JAK2: variants seen among roughly 807,000 people sequenced by gnomAD.
JAK2 encodes the protein tyrosine-protein kinase JAK2.
Under a neutral mutation model 139.3 loss-of-function variants are expected in JAK2, and 86 were observed. The observed-to-expected ratio is 0.62, with a 90% CI of 0.52 to 0.74. The LOEUF (loss-of-function observed/expected upper bound fraction) is 0.74. JAK2 is among the 30% of genes least tolerant of loss of function. The pLI is 0.00. For missense variants in JAK2, 1,421 were observed against 1,360.3 expected (o/e 1.04, Z -0.70); for synonymous variants, 490 against 437.7 (o/e 1.12, Z -1.49).
intron 22 of JAK2, among the ~76,000 whole-genome samples, chr9:5,120,552 T>C (rs1226502864): frequency 6.6e-6 from 1 of 152,234 alleles, no homozygotes; most frequent in Non-Finnish European, 1.5e-5. Context: ...AAAGTGCCTC[T>C]GCTTAAATGT....
At chr9:5,037,601 G>C (rs12002850) in intron 4 of JAK2, among the ~76,000 whole-genome samples, 7 of 151,942 alleles carry the variant, frequency 4.6e-5, no homozygotes, top group East Asian at 3.9e-4. Context: ...GCAAACTATC[G>C]CAAGGACAAA....
intron 2 of JAK2, among the ~76,000 whole-genome samples, chr9:4,987,378 G>A (rs1227766685): frequency 1.3e-5 from 2 of 152,122 alleles, no homozygotes; most frequent in Non-Finnish European, 2.9e-5. Flanking sequence ...GGCAGAATAG[G>A]AAAGTGCATT....
rs1824059026 is a variant in JAK2, at chr9:5,127,251, T to C, written c.*460T>C. The C allele has an allele frequency of 4.3e-6, 1 of 232,334 alleles. No individual in the cohort carries two copies. Among genetic ancestry groups the C allele is most frequent in the Admixed American group, 5.6e-5 (1 of 17,714 alleles). The allele number at this position is 232,334 out of a possible 1,614,324, so 14.4% of individuals were successfully genotyped here. The stretch of plus-strand genomic sequence containing the variant: ...GGTGTTCATTAATACTGTTTTCTAA[T>C]TTTTCCATAGTTAATCTATAATTAA... On this transcript the variant is annotated 3_prime_UTR_variant, in exon 25 of 25. Coordinates refer to ENST00000381652, the MANE Select transcript of JAK2 (RefSeq NM_004972.4).
intron 4 of JAK2, among the ~76,000 whole-genome samples, chr9:5,030,820 G>A (rs1436713240): frequency 6.6e-6 from 1 of 151,928 alleles, no homozygotes; most frequent in African/African-American, 2.4e-5. Flanking sequence ...ATTTACTGAT[G>A]TCTAATGTAT....
intron 22 of JAK2, among the ~76,000 whole-genome samples, chr9:5,117,792 A>G (rs1823315707): frequency 6.6e-6 from 1 of 152,200 alleles, no homozygotes; most frequent in Non-Finnish European, 1.5e-5. Flanking sequence ...TATACGAGGA[A>G]GCCTGAGATC....
chr9:5,086,892 T>C (rs1297167646), intron 19 of JAK2, among the ~76,000 whole-genome samples: 1 of 152,210 alleles, frequency 6.6e-6, no homozygotes, highest in Non-Finnish European at 1.5e-5. Context: ...GTTCATATCT[T>C]TTAAACTACT....
At chr9:5,066,296 A>G (rs866878555) in intron 9 of JAK2, among the ~76,000 whole-genome samples, 4 of 152,166 alleles carry the variant, frequency 2.6e-5, no homozygotes, top group Non-Finnish European at 4.4e-5. Context: ...AGTAACTGCT[A>G]TGGTAGTAGA....
chr9:5,053,153 T>G lies in JAK2; in HGVS notation c.615-1410T>G, dbSNP rs138815991. ...AACTCTTTCCGCACTTGTTTCTGTCTGTATTTTATCCATCCTAGTGGGTGG... is the reference window on the plus strand; with the variant it reads ...AACTCTTTCCGCACTTGTTTCTGTCGGTATTTTATCCATCCTAGTGGGTGG... On this transcript the variant is annotated intron_variant, in intron 6 of 24. Transcript: ENST00000381652. Among the ~76,000 whole-genome samples the G allele has an allele frequency of 3.2e-3, 491 of 152,208 alleles. 8 individuals carry two copies. Among genetic ancestry groups the G allele is most frequent in the Admixed American group, 0.03 (457 of 15,288 alleles).
intron 2 of JAK2, among the ~76,000 whole-genome samples, chr9:5,005,269 T>C (rs1821221133): frequency 6.6e-6 from 1 of 151,890 alleles, no homozygotes; most frequent in African/African-American, 2.4e-5. Context: ...CTTTGAGGAA[T>C]ATCTGTTCCG....
intron 9 of JAK2, among the ~76,000 whole-genome samples, chr9:5,066,272 C>A (rs529863439): frequency 2.0e-5 from 3 of 152,130 alleles, no homozygotes; most frequent in African/African-American, 7.2e-5. Context: ...ATCATGCATT[C>A]AGATTTTTAT....
intron 4 of JAK2, chr9:5,041,934 T>A (rs559150530): frequency 7.7e-6 from 3 of 388,202 alleles, no homozygotes; most frequent in Admixed American, 7.2e-5. Context: ...AATGCTGCTG[T>A]TTCTTCCCCC....
chr9:4,998,191 G>A (rs564972016), intron 2 of JAK2, among the ~76,000 whole-genome samples: 1 of 152,116 alleles, frequency 6.6e-6, no homozygotes, highest in East Asian at 1.9e-4. Context: ...AAATGTCTTG[G>A]TAATACAGGC....
chr9:5,018,619 T>G (rs1822220244), intron 2 of JAK2, among the ~76,000 whole-genome samples: 1 of 152,306 alleles, frequency 6.6e-6, no homozygotes, highest in East Asian at 1.9e-4. Context: ...GATTACAGGC[T>G]TGAGCCACTG....
intron 22 of JAK2, chr9:5,108,032 T>C (rs968094519): frequency 6.6e-6 from 1 of 152,118 alleles, no homozygotes; most frequent in Non-Finnish European, 1.5e-5. Context: ...ATCAGCCTCA[T>C]CACCCTATTG....
intron 4 of JAK2, among the ~76,000 whole-genome samples, chr9:5,036,404 A>G (rs1324948829): frequency 2.0e-5 from 3 of 152,208 alleles, no homozygotes; most frequent in Non-Finnish European, 1.5e-5. Context: ...ACCAAAAAAG[A>G]GCCCACATTG....
In JAK2 at chr9:5,128,203, C is replaced by CT. The variant is rs2130871894; in HGVS notation, c.*1418dup. The CT allele has an allele frequency of 8.9e-6, 2 of 225,710 alleles. No homozygotes were observed. The highest frequency in any genetic ancestry group is 6.2e-5 in the East Asian group (1 of 16,004). The allele number at this position is 225,710 out of a possible 1,614,324, so 14.0% of individuals were successfully genotyped here. A position where few individuals can be genotyped will look rare whatever the true frequency, so the allele number is the denominator to read the frequency against. ...ACTTTATTTTTACTGGTATGTTCTACTTTTTTGAAAGTTGTACTGAAGACT... is the reference window on the plus strand; with the variant it reads ...ACTTTATTTTTACTGGTATGTTCTACTTTTTTTGAAAGTTGTACTGAAGACT... On this transcript the variant is annotated 3_prime_UTR_variant, in exon 25 of 25. Transcript: ENST00000381652.
intron 2 of JAK2, among the ~76,000 whole-genome samples, chr9:5,013,139 T>A (rs967301816): frequency 2.0e-5 from 3 of 152,246 alleles, no homozygotes; most frequent in Non-Finnish European, 2.9e-5. Flanking sequence ...ACCTCTTTTC[T>A]GTTTGTATTT....
Position 5,127,155 on chromosome 9 carries a change from T to A in JAK2, c.*364T>A. ...ATGTTAAAGATGCACAGAATATGTA[T>A]GTATAGTTTTTACCACAGTGGATGT... On this transcript the variant is annotated 3_prime_UTR_variant, in exon 25 of 25. Coordinates refer to ENST00000381652, the MANE Select transcript of JAK2 (RefSeq NM_004972.4). 4.0e-6 allele frequency: 1 copy of A among 248,380 alleles called. No individual in the cohort carries two copies. Among genetic ancestry groups the A allele is most frequent in the Non-Finnish European group, 7.8e-6 (1 of 127,742 alleles). The allele number at this position is 248,380 out of a possible 1,614,324, so 15.4% of individuals were successfully genotyped here.
intron 3 of JAK2, among the ~76,000 whole-genome samples, chr9:5,028,237 A>G (rs1037728733): frequency 2.0e-5 from 3 of 152,226 alleles, no homozygotes; most frequent in African/African-American, 7.2e-5. Flanking sequence ...TTCAATGTAC[A>G]TCTTCATCAG....
Sources: gnomAD v4.1 joint callset for allele counts (sites outside exome capture counted in the v4.1 genomes callset) on GRCh38, gnomAD v4.1.1 for gene constraint, MANE v1.5 for transcripts, NCBI Gene and HGNC (gene_info 2026-07-23, HGNC 2026-07-21) for gene names.